MAPK10: variants seen among roughly 807,000 people sequenced by gnomAD.
MAPK10 encodes the protein mitogen-activated protein kinase 10, also known as JNK3 alpha protein kinase.
A neutral mutation model predicts 59.3 loss-of-function variants in MAPK10; 25 were observed. The observed-to-expected ratio is 0.42, with a 90% confidence interval of 0.31 to 0.59. The LOEUF is 0.59. Ranked by LOEUF, MAPK10 falls within the 20% of genes least tolerant of loss-of-function variation. The pLI is 0.15. For synonymous variants in MAPK10, 190 were observed against 200.5 expected (o/e 0.95, Z 0.44); for missense variants, 351 against 568.9 (o/e 0.62, Z 3.90).
At chr4:86,411,755 G>C (rs1341504578) in intron 1 of MAPK10, among the ~76,000 whole-genome samples, 1 of 152,162 alleles carries the variant, frequency 6.6e-6, no homozygotes, top group African/African-American at 2.4e-5. Context: ...TTGCTTGGTA[G>C]ATTTTCCTCC....
At chr4:86,239,022 T>C (rs1010577679) in intron 2 of MAPK10, among the ~76,000 whole-genome samples, 7 of 152,226 alleles carry the variant, frequency 4.6e-5, no homozygotes, top group African/African-American at 7.2e-5. Flanking sequence ...TTATGTTCCA[T>C]AGATATCTAG....
chr4:86,441,063 A>AT (rs1418616001), intron 1 of MAPK10, among the ~76,000 whole-genome samples: 2 of 151,856 alleles, frequency 1.3e-5, no homozygotes, highest in African/African-American at 2.4e-5. Flanking sequence ...TAGATTAAAG[A>AT]TTTCAGATTC....
chr4:86,396,447 TG>T (rs1270551497), intron 1 of MAPK10, among the ~76,000 whole-genome samples: 1 of 152,194 alleles, frequency 6.6e-6, no homozygotes, highest in Non-Finnish European at 1.5e-5. Context: ...GCACTTCAAA[TG>T]GGGATAGTCC....
At chr4:86,540,977 T>C (rs1359532997) in intron 1 of MAPK10, among the ~76,000 whole-genome samples, 1 of 152,034 alleles carries the variant, frequency 6.6e-6, no homozygotes, top group South Asian at 2.1e-4. Flanking sequence ...ATTTCCTACA[T>C]GAAATCAGGG....
At chr4:86,163,863 T>C (rs1358968114) in intron 3 of MAPK10, among the ~76,000 whole-genome samples, 1 of 152,158 alleles carries the variant, frequency 6.6e-6, no homozygotes, top group African/African-American at 2.4e-5. Context: ...CTCCTTGGTA[T>C]CAGCACCTGA....
intron 1 of MAPK10, among the ~76,000 whole-genome samples, chr4:86,584,483 C>T (rs1167782579): frequency 1.3e-5 from 2 of 152,122 alleles, no homozygotes; most frequent in African/African-American, 4.8e-5. Flanking sequence ...CTCACTCTGT[C>T]ACCAGGCTGG....
intron 13 of MAPK10, chr4:86,026,311 G>A (rs1750191257): frequency 6.6e-6 from 1 of 152,144 alleles, no homozygotes; most frequent in Non-Finnish European, 1.5e-5. Context: ...GCTTTTAGAA[G>A]AAAATTAATT....
chr4:86,155,948 T>C (rs947427567), intron 4 of MAPK10, among the ~76,000 whole-genome samples: 30 of 152,076 alleles, frequency 2.0e-4, no homozygotes, highest in Middle Eastern at 3.4e-3. Flanking sequence ...AGGTGTATCA[T>C]AGACAGCCTG....
At chr4:86,132,772 C>T (rs1042718905) in intron 4 of MAPK10, among the ~76,000 whole-genome samples, 2 of 152,174 alleles carry the variant, frequency 1.3e-5, no homozygotes, top group Non-Finnish European at 2.9e-5. Context: ...AGGTTGAACA[C>T]TCCTTGTGAG....
chr4:86,410,750 C>A (rs1249735890), intron 1 of MAPK10, among the ~76,000 whole-genome samples: 1 of 151,964 alleles, frequency 6.6e-6, no homozygotes, highest in Non-Finnish European at 1.5e-5. Context: ...GTGGTGATAT[C>A]CCCTTTATCA....
chr4:86,531,910 T>C (rs1217752369), intron 1 of MAPK10, among the ~76,000 whole-genome samples: 1 of 151,962 alleles, frequency 6.6e-6, no homozygotes, highest in Non-Finnish European at 1.5e-5. Flanking sequence ...GGGCAGGCAC[T>C]GGGCACGATG....
intron 4 of MAPK10, among the ~76,000 whole-genome samples, chr4:86,150,434 T>C (rs985446929): frequency 6.6e-6 from 1 of 152,170 alleles, no homozygotes; most frequent in African/African-American, 2.4e-5. Context: ...ATCTCACTTG[T>C]ACTTCACAAG....
At chr4:86,112,506 T>C (rs1055468788) in intron 4 of MAPK10, among the ~76,000 whole-genome samples, 3 of 152,086 alleles carry the variant, frequency 2.0e-5, no homozygotes, top group African/African-American at 4.8e-5. Context: ...TGTTCACCTT[T>C]CTCGTAGTTG....
At chr4:86,563,816 T>A (rs1039201235) in intron 1 of MAPK10, among the ~76,000 whole-genome samples, 8 of 152,132 alleles carry the variant, frequency 5.3e-5, no homozygotes, top group African/African-American at 1.9e-4. Flanking sequence ...CTACTAAGAA[T>A]GCACAGTTTA....
chr4:86,091,923 C>T (rs530528709), intron 9 of MAPK10, among the ~76,000 whole-genome samples: 2 of 152,036 alleles, frequency 1.3e-5, no homozygotes, highest in Non-Finnish European at 2.9e-5. Context: ...CTGCCCACCT[C>T]GGCCTCCCAA....
chr4:86,227,569 T>G (rs1399241795), intron 2 of MAPK10, among the ~76,000 whole-genome samples: 1 of 151,892 alleles, frequency 6.6e-6, no homozygotes, highest in Non-Finnish European at 1.5e-5. Context: ...AAGAATACTT[T>G]CTCACCTGTC....
At chr4:86,271,974 C>G (rs1393958518) in intron 2 of MAPK10, among the ~76,000 whole-genome samples, 1 of 151,918 alleles carries the variant, frequency 6.6e-6, no homozygotes, top group African/African-American at 2.4e-5. Flanking sequence ...TTTTTCAACC[C>G]TTGCCCCCTT....
At chr4:86,190,036 T>C (rs1032689155) in intron 3 of MAPK10, among the ~76,000 whole-genome samples, 2 of 152,210 alleles carry the variant, frequency 1.3e-5, no homozygotes, top group African/African-American at 4.8e-5. Context: ...TCTGTTTCTG[T>C]GATGGATTAC....
intron 4 of MAPK10, among the ~76,000 whole-genome samples, chr4:86,158,801 T>C (rs955176487): frequency 1.3e-5 from 2 of 151,958 alleles, no homozygotes; most frequent in African/African-American, 4.8e-5. Flanking sequence ...TCTTTCCATT[T>C]TGGAAACATG....
Sources: allele counts gnomAD v4.1 joint callset (sites outside exome capture counted in the v4.1 genomes callset), GRCh38; gene constraint gnomAD v4.1.1; transcripts MANE v1.5; gene names NCBI Gene and HGNC (gene_info 2026-07-23, HGNC 2026-07-21).